The following SLC16A10 variants were observed in gnomAD, a reference collection of about 807,000 sequenced individuals.
The protein encoded by SLC16A10 is solute carrier family 16 member 10, also known as monocarboxylate transporter 10.
Under a neutral mutation model 40.0 loss-of-function variants are expected in SLC16A10, and 27 were observed. The ratio of observed to expected loss-of-function variants is 0.67; its 90% CI spans 0.50 to 0.93. The LOEUF (loss-of-function observed/expected upper bound fraction) is 0.93, where lower values mean the gene tolerates loss of function less well. SLC16A10 is among the 40% of genes least tolerant of loss of function. The pLI is 0.00. For synonymous variants in SLC16A10, 213 were observed against 249.8 expected (o/e 0.85, Z 1.39); for missense variants, 529 against 658.2 (o/e 0.80, Z 2.15).
At chr6:111,206,101 C>T (rs1434198084) in intron 3 of SLC16A10, among the ~76,000 whole-genome samples, 9 of 147,784 alleles carry the variant, frequency 6.1e-5, no homozygotes, top group African/African-American at 1.5e-4. Context: ...TTTTTGGAGA[C>T]GGAGTCTTGC....
In SLC16A10 at chr6:111,177,414, T is replaced by A; in HGVS notation, c.691T>A (p.Phe231Ile). Residue 231 changes from phenylalanine to isoleucine, a missense_variant, in exon 3 of 6, where the codon TTT becomes ATT. By Grantham distance (21) the Phe-to-Ile change is conservative (BLOSUM62 0). Coordinates refer to ENST00000368851, the MANE Select transcript of SLC16A10 (RefSeq NM_018593.5). ...LRVLIDSVGL[F>I]YTLRVLCIFM... Reference sequence around the variant, plus strand: ...GGTTCTGATTGACAGCGTGGGCCTCTTTTACACATTGAGGGTGCTCTGCAT... The same window carrying A: ...GGTTCTGATTGACAGCGTGGGCCTCATTTACACATTGAGGGTGCTCTGCAT... 6.2e-7 allele frequency: 1 copy of A among 1,614,120 alleles called. No individual in the cohort carries two copies. The highest frequency in any genetic ancestry group is 8.5e-7 in the Non-Finnish European group (1 of 1,180,014).
chr6:111,200,991 G>A (rs562900673), intron 3 of SLC16A10, among the ~76,000 whole-genome samples: 398 of 152,316 alleles, frequency 2.6e-3, no homozygotes, highest in African/African-American at 9.0e-3. Flanking sequence ...GAAAGAATCA[G>A]TTTGAATTCC....
chr6:111,184,632 C>A (rs1772862313), intron 3 of SLC16A10, among the ~76,000 whole-genome samples: 1 of 152,044 alleles, frequency 6.6e-6, no homozygotes, highest in Non-Finnish European at 1.5e-5. Context: ...CAGGTACCTG[C>A]CACCACGCCT....
Position 111,177,228 on chromosome 6 carries a change from T to C in SLC16A10, c.505T>C (p.Tyr169His), listed in dbSNP as rs760893470. Residue 169 changes from tyrosine (Y) to histidine (H), a missense_variant, in exon 3 of 6, where the codon TAC (tyrosine) becomes CAC (histidine). Transcript: ENST00000368851. Reference sequence around the variant, plus strand: ...TTTATACAGTTCCATCGAGCCTCTGTACCTTACCTATGGAATCATATTTGC... The same window carrying C: ...TTTATACAGTTCCATCGAGCCTCTGCACCTTACCTATGGAATCATATTTGC... ...SSFVSSIEPL[Y>H]LTYGIIFACG... 2 of 1,555,340 alleles carry C rather than the reference T, an allele frequency of 1.3e-6. No individual in the cohort carries two copies. Among genetic ancestry groups the C allele is most frequent in the Non-Finnish European group, 1.7e-6 (2 of 1,153,982 alleles).
At position 111,223,497 on chromosome 6, in the gene SLC16A10, T is replaced by G. The variant is rs1770939719; in HGVS notation, c.*1262T>G. The G allele has an allele frequency of 6.6e-6, 1 of 152,218 alleles. No individual in the cohort carries two copies. The highest frequency in any genetic ancestry group is 6.5e-5 in the Admixed American group (1 of 15,284). The allele number at this position is 152,218 out of a possible 1,614,324, so 9.4% of individuals were successfully genotyped here. A position where few individuals can be genotyped will look rare whatever the true frequency, so the allele number is the denominator to read the frequency against. On this transcript the variant is annotated 3_prime_UTR_variant, in exon 6 of 6. Coordinates refer to ENST00000368851, the MANE Select transcript of SLC16A10 (RefSeq NM_018593.5). ...AAATTATGCTTTAGTACTTGAGGCC[T>G]TTAAAAGTTAGTGCTTTTGATTGTG...
At chr6:111,096,411 C>T (rs1425458887) in intron 1 of SLC16A10, among the ~76,000 whole-genome samples, 1 of 152,190 alleles carries the variant, frequency 6.6e-6, no homozygotes, top group African/African-American at 2.4e-5. Flanking sequence ...CTGGTGCCAC[C>T]CACGCAGGGA....
rs921160714 is a variant in SLC16A10 at position 111,225,595 on chromosome 6, CAT to C, written c.*3361_*3362del. 6.7e-6 allele frequency: 1 copy of C among 148,456 alleles called. No individual in the cohort carries two copies. Among genetic ancestry groups the C allele is most frequent in the Admixed American group, 6.7e-5 (1 of 14,854 alleles). 9.2% of individuals were successfully genotyped at this position (148,456 alleles called of 1,614,324 possible). Reference sequence around the variant, plus strand: ...AAAGTACACACAGTTTAAAAGTAAACATGTTTACTTCGGATAATTCTAATCCT... The same window carrying C: ...AAAGTACACACAGTTTAAAAGTAAACGTTTACTTCGGATAATTCTAATCCT... On this transcript the variant is annotated 3_prime_UTR_variant, in exon 6 of 6. Transcript: ENST00000368851.
At chr6:111,141,329 T>C (rs1013007322) in intron 1 of SLC16A10, among the ~76,000 whole-genome samples, 2 of 152,064 alleles carry the variant, frequency 1.3e-5, no homozygotes, top group African/African-American at 4.8e-5. Context: ...AAAAATAAAA[T>C]ATAATAGGAA....
chr6:111,087,903 G>A lies in SLC16A10; in HGVS notation c.151G>A (p.Ala51Thr), dbSNP rs763710240. 1.3e-5 allele frequency: 21 copies of A among 1,577,944 alleles called. No homozygotes were observed. Among genetic ancestry groups the A allele is most frequent in the Non-Finnish European group, 1.8e-5 (21 of 1,164,660 alleles). The change falls in exon 1 of 6, where the codon GCG (alanine) becomes ACG (threonine). Residue 51 changes from alanine to threonine, a missense_variant. Ala to Thr is a moderately conservative substitution (Grantham distance 58, BLOSUM62 0). Coordinates refer to ENST00000368851, the MANE Select transcript of SLC16A10 (RefSeq NM_018593.5). ...TGTCGAGAAGGTGGAGGTGGAGCTGGCGGGGCCGGCGACCGCGGAGCCCCA... is the reference window on the plus strand; with the variant it reads ...TGTCGAGAAGGTGGAGGTGGAGCTGACGGGGCCGGCGACCGCGGAGCCCCA... ...AAVEKVEVEL[A>T]GPATAEPHEP... is the part of the protein sequence containing the mutation.
At chr6:111,142,798 G>A (rs1772006828) in intron 1 of SLC16A10, among the ~76,000 whole-genome samples, 1 of 152,188 alleles carries the variant, frequency 6.6e-6, no homozygotes, top group Admixed American at 6.5e-5. Context: ...AGCCACTTTG[G>A]AAGACAGTTT....
At chr6:111,091,914 G>T (rs977836247) in intron 1 of SLC16A10, among the ~76,000 whole-genome samples, 4 of 152,188 alleles carry the variant, frequency 2.6e-5, no homozygotes, top group African/African-American at 9.6e-5. Flanking sequence ...GAAAATGTCA[G>T]CTGTTTCAAA....
rs947424279 is a variant in SLC16A10, at chr6:111,228,090, C to T, written c.*5855C>T. On this transcript the variant is annotated 3_prime_UTR_variant, in exon 6 of 6. Transcript: ENST00000368851. ...AGAAAAACCTGAAGAAATTCAGAATCTAGATACACTTAGATTCTAAATTAG... is the reference window on the plus strand; with the variant it reads ...AGAAAAACCTGAAGAAATTCAGAATTTAGATACACTTAGATTCTAAATTAG... 5 of 152,302 alleles carry T rather than the reference C, an allele frequency of 3.3e-5. No individual in the cohort carries two copies. The allele number at this position is 152,302 out of a possible 1,614,324, so 9.4% of individuals were successfully genotyped here. A position where few individuals can be genotyped will look rare whatever the true frequency, so the allele number is the denominator to read the frequency against.
chr6:111,100,237 T>C (rs2114438284), intron 1 of SLC16A10, among the ~76,000 whole-genome samples: 1 of 152,318 alleles, frequency 6.6e-6, no homozygotes, highest in East Asian at 1.9e-4. Flanking sequence ...CTGTAAATGA[T>C]GCTCAATAGA....
At chr6:111,121,631 A>G (rs538040221) in intron 1 of SLC16A10, among the ~76,000 whole-genome samples, 7 of 152,266 alleles carry the variant, frequency 4.6e-5, no homozygotes, top group African/African-American at 1.7e-4. Flanking sequence ...TTATTCTTCT[A>G]TTTCCATTAC....
At chr6:111,161,717 G>C (rs1161428898) in intron 1 of SLC16A10, among the ~76,000 whole-genome samples, 3 of 152,046 alleles carry the variant, frequency 2.0e-5, no homozygotes, top group Non-Finnish European at 4.4e-5. Flanking sequence ...CAAAATAAGG[G>C]GGTAAGGACA....
chr6:111,203,013 CCT>C (rs1425438724), intron 3 of SLC16A10, among the ~76,000 whole-genome samples: 1 of 151,904 alleles, frequency 6.6e-6, no homozygotes, highest in Non-Finnish European at 1.5e-5. Context: ...AATATTATCC[CCT>C]GTGTAGACAG....
chr6:111,162,300 A>C (rs1279871056), intron 1 of SLC16A10, among the ~76,000 whole-genome samples: 2 of 152,190 alleles, frequency 1.3e-5, no homozygotes, highest in Non-Finnish European at 2.9e-5. Context: ...AGACCTTTTA[A>C]AGCTGAGCCC....
chr6:111,116,189 C>T (rs770377987), intron 1 of SLC16A10, among the ~76,000 whole-genome samples: 1 of 151,888 alleles, frequency 6.6e-6, no homozygotes, highest in Non-Finnish European at 1.5e-5. Context: ...TATACCATTA[C>T]TATAAAAAAG....
rs919389068 is a variant in SLC16A10 at position 111,158,642 on chromosome 6, T to C, written c.344-14053T>C. Among the ~76,000 whole-genome samples the C allele has an allele frequency of 3.9e-5, 6 of 152,152 alleles. No individual in the cohort carries two copies. The South Asian group carries it at 1.2e-3, about 32-fold the overall frequency. On this transcript the variant is annotated intron_variant, in intron 1 of 5. Transcript: ENST00000368851. Reference sequence around the variant, plus strand: ...GCTCGGGGGCTGGGGACCCCTGCTGTAAATAACCTTTCGAAGATCTGAAAA... The same window carrying C: ...GCTCGGGGGCTGGGGACCCCTGCTGCAAATAACCTTTCGAAGATCTGAAAA...
Sources: allele counts gnomAD v4.1 joint callset (sites outside exome capture counted in the v4.1 genomes callset), GRCh38; gene constraint gnomAD v4.1.1; transcripts MANE v1.5; gene names NCBI Gene and HGNC (gene_info 2026-07-23, HGNC 2026-07-21).